TAF1: variants seen among roughly 807,000 people sequenced by gnomAD.
TAF1 encodes transcription initiation factor TFIID subunit 1.
TAF1 carries 2 observed loss-of-function variants against 138.5 expected under a neutral mutation model. The ratio of observed to expected loss-of-function variants is 0.01; its 90% CI spans 0.01 to 0.05. TAF1 has a LOEUF of 0.05. TAF1 is among the 10% of genes least tolerant of loss of function. TAF1 has a pLI of 1.00. For synonymous variants in TAF1, 437 were observed against 503.2 expected, an observed-to-expected ratio of 0.87 and a Z score of 1.76; for missense variants, 709 against 1,478.0, an observed-to-expected ratio of 0.48 and a Z score of 8.53.
intron 13 of TAF1, among the ~76,000 whole-genome samples, chrX:71,384,609 C>T (rs759735198): frequency 1.3e-3 from 140 of 110,696 alleles, no homozygotes; most frequent in African/African-American, 4.4e-3. Context: ...AGGGTTTCAT[C>T]ATGTTGGCCA....
intron 32 of TAF1, among the ~76,000 whole-genome samples, chrX:71,438,336 C>T (rs776073706): frequency 9.0e-6 from 1 of 111,559 alleles, no homozygotes; most frequent in African/African-American, 3.3e-5. Context: ...ATTGCCTATT[C>T]TAGGTATGTC....
At chrX:71,527,405 G>GA (rs2040018689) in intron 13 of TAF1, among the ~76,000 whole-genome samples, 1 of 95,160 alleles carries the variant, frequency 1.1e-5, no homozygotes, top group Non-Finnish European at 2.1e-5. Context: ...AAAAAAAAAA[G>GA]AAAAGAAAAA....
intron 28 of TAF1, among the ~76,000 whole-genome samples, chrX:71,419,651 T>TTTC (rs1323040545): frequency 9.0e-6 from 1 of 111,459 alleles, no homozygotes; most frequent in Non-Finnish European, 1.9e-5. Flanking sequence ...AGGAGAGGAC[T>TTTC]GTGAAAGGTT....
At chrX:71,447,768 TTTC>T (rs2037766372) in intron 32 of TAF1, among the ~76,000 whole-genome samples, 1 of 110,168 alleles carries the variant, frequency 9.1e-6, no homozygotes, top group African/African-American at 3.3e-5. Flanking sequence ...GTGACTTGCG[TTTC>T]TTCTCACATC....
intron 18 of TAF1, among the ~76,000 whole-genome samples, chrX:71,390,708 T>G (rs1432095963): frequency 9.0e-6 from 1 of 111,415 alleles, no homozygotes; most frequent in Non-Finnish European, 1.9e-5. Flanking sequence ...TGTAGAAATG[T>G]CTCACGGCCG....
At chrX:71,484,283 A>G (rs2039133144) in intron 13 of TAF1, among the ~76,000 whole-genome samples, 1 of 110,433 alleles carries the variant, frequency 9.1e-6, no homozygotes. Flanking sequence ...TTCTTTCTGG[A>G]CCACTATAAT....
At chrX:71,441,121 G>A (rs950147961) in intron 32 of TAF1, among the ~76,000 whole-genome samples, 2 of 110,340 alleles carry the variant, frequency 1.8e-5, no homozygotes, top group Non-Finnish European at 3.8e-5. Context: ...GGTTGGTCTC[G>A]AACTCCTGGC....
downstream of TAF1, chrX:71,530,374 G>T: frequency 8.8e-6 from 1 of 114,149 alleles, no homozygotes; most frequent in South Asian, 3.4e-4. Context: ...TGGTCTCGCT[G>T]ACTTCAAGAA....
rs367962531 is a variant in TAF1, at chrX:71,370,020, T to G, written c.352+1850T>G. On this transcript the variant is annotated intron_variant, in intron 3 of 37. Coordinates refer to ENST00000423759, the MANE Select transcript of TAF1 (RefSeq NM_004606.5). Reference sequence around the variant, plus strand: ...TGGGCAGATCACGTGAGGCCAGGAGTTCGAGACCAGCCTAGGCAACATGGA... The same window carrying G: ...TGGGCAGATCACGTGAGGCCAGGAGGTCGAGACCAGCCTAGGCAACATGGA... Among the ~76,000 whole-genome samples, 20 of 109,104 alleles carry G rather than the reference T, an allele frequency of 1.8e-4. No individual in the cohort carries two copies. The East Asian group carries it at 5.1e-3, about 28-fold the overall frequency. The allele number at this position is 109,104 out of a possible 115,157, so 94.7% of individuals were successfully genotyped here.
intron 34 of TAF1, among the ~76,000 whole-genome samples, chrX:71,456,635 C>G (rs1487285067): frequency 5.1e-5 from 4 of 78,937 alleles, no homozygotes; most frequent in Admixed American, 1.5e-4. Context: ...TGGTGGTGGT[C>G]AATAATGTAT....
chrX:71,421,836 T>G (rs2036359011), intron 29 of TAF1, among the ~76,000 whole-genome samples: 2 of 112,339 alleles, frequency 1.8e-5, no homozygotes, highest in Non-Finnish European at 3.8e-5. Context: ...TAATGGTACT[T>G]TATAAACCTA....
chrX:71,418,558 G>A (rs1364340610), intron 28 of TAF1, among the ~76,000 whole-genome samples: 2 of 112,305 alleles, frequency 1.8e-5, no homozygotes, highest in Admixed American at 1.9e-4. Context: ...TGGCTCTGGG[G>A]AGCACTAACA....
At chrX:71,507,286 AG>A (rs1381070575) in intron 13 of TAF1, among the ~76,000 whole-genome samples, 1 of 111,840 alleles carries the variant, frequency 8.9e-6, no homozygotes, top group African/African-American at 3.3e-5. Flanking sequence ...GCTGGAGGGC[AG>A]TGACATGATC....
At chrX:71,401,003 C>A (rs192375445) in intron 24 of TAF1, among the ~76,000 whole-genome samples, 18 of 112,345 alleles carry the variant, frequency 1.6e-4, no homozygotes, top group South Asian at 3.6e-4. Flanking sequence ...GCTGATGATG[C>A]TGCTGAATGT....
At chrX:71,381,707 T>C (rs907090937) in intron 8 of TAF1, 36 bp from the exon 9 acceptor site, 2 of 1,188,441 alleles carry the variant, frequency 1.7e-6, no homozygotes, top group Admixed American at 4.6e-5. Context: ...CATAAATGTT[T>C]TCTCTGTTAC....
At chrX:71,405,732 C>T (rs1457935146) in intron 25 of TAF1, among the ~76,000 whole-genome samples, 6 of 112,058 alleles carry the variant, frequency 5.4e-5, no homozygotes, top group Admixed American at 3.8e-4. Context: ...ATGGGCCGGA[C>T]GTGGTGGCTC....
At chrX:71,433,842 C>G (rs759879390) in intron 32 of TAF1, among the ~76,000 whole-genome samples, 8 of 109,390 alleles carry the variant, frequency 7.3e-5, no homozygotes, top group African/African-American at 2.7e-4. Context: ...ACTTTCCCCC[C>G]TCCTTAACCA....
chrX:71,366,656 G>C lies in TAF1; in HGVS notation c.120+162G>C, dbSNP rs1258902393. Among the ~76,000 whole-genome samples the C allele has an allele frequency of 4.5e-5, 5 of 111,063 alleles. No individual in the cohort carries two copies. In the Admixed American group the frequency reaches 4.8e-4, roughly 11 times the overall value. Reference sequence around the variant, plus strand: ...TGGGTGCGGGAGCAACGTGGCGTGGGAGTGATCGTTCTGGGGGAGAGTGGG... The same window carrying C: ...TGGGTGCGGGAGCAACGTGGCGTGGCAGTGATCGTTCTGGGGGAGAGTGGG... On this transcript the variant is annotated intron_variant, in intron 1 of 37. Transcript: ENST00000423759.
In TAF1 at chrX:71,382,582, G is replaced by A. The variant is rs372135116; in HGVS notation, c.1584G>A (p.Lys528=). 9 of 1,209,472 alleles carry A rather than the reference G, an allele frequency of 7.4e-6. No homozygotes were observed. Among genetic ancestry groups the A allele is most frequent in the Non-Finnish European group, 8.9e-6 (8 of 895,141 alleles). The change falls in exon 10 of 38, where the codon AAG becomes AAA. Residue 528 remains lysine (K), a synonymous_variant. Transcript: ENST00000423759. ...AGGCCACCTCTAACTCCCCCTCCAA[G>A]GAGAGTAAGAAGGAATCATCTCTGA... is the stretch of plus-strand genomic sequence containing the variant. ...KEEATSNSPS[K]ESKKESSLKK...
Sources: gnomAD v4.1 joint callset for allele counts (sites outside exome capture counted in the v4.1 genomes callset) on GRCh38, gnomAD v4.1.1 for gene constraint, MANE v1.5 for transcripts, NCBI Gene and HGNC (gene_info 2026-07-23, HGNC 2026-07-21) for gene names.